Variants in NELL1 observed in about 807,000 individuals in gnomAD.
The protein encoded by NELL1 is neural EGFL like 1.
Under a neutral mutation model 107.4 loss-of-function variants are expected in NELL1, and 76 were observed. The ratio of observed to expected loss-of-function variants is 0.71; its 90% confidence interval spans 0.59 to 0.86. The LOEUF (loss-of-function observed/expected upper bound fraction) is 0.86, where lower values mean the gene tolerates loss of function less well. Among genes scored for constraint, NELL1 ranks in the 40% least tolerant of loss-of-function variants. NELL1 has a pLI of 0.00. For synonymous variants in NELL1, 353 were observed against 341.2 expected (o/e 1.03, Z -0.38); for missense variants, 1,024 against 1,005.5 (o/e 1.02, Z -0.25).
In NELL1 at chr11:21,316,820, A is replaced by G. The variant is rs1480243334; in HGVS notation, c.1550-54033A>G. On this transcript the variant is annotated intron_variant, in intron 14 of 19. Transcript: ENST00000357134. ...ATGATGCTCAGAGTCTCTTGTGGGT[A>G]GGGCTTCCTCCTGGAGGTAGAGCTG... is the stretch of plus-strand genomic sequence containing the variant. Among the ~76,000 whole-genome samples the G allele has an allele frequency of 4.6e-5, 7 of 152,168 alleles. No individual in the cohort carries two copies. The South Asian group carries it at 8.3e-4, about 18-fold the overall frequency.
At chr11:21,347,269 G>A (rs1240272171) in intron 14 of NELL1, among the ~76,000 whole-genome samples, 2 of 152,100 alleles carry the variant, frequency 1.3e-5, no homozygotes, top group African/African-American at 4.8e-5. Flanking sequence ...CAAGTGTAAA[G>A]GCCCTAAAGT....
chr11:21,206,381 G>A (rs1178730269), intron 13 of NELL1, among the ~76,000 whole-genome samples: 10 of 152,080 alleles, frequency 6.6e-5, no homozygotes, highest in Non-Finnish European at 1.5e-5. Context: ...AATCCCATAT[G>A]ACCTCATTTT....
chr11:21,187,842 T>G (rs1391338716), intron 13 of NELL1, among the ~76,000 whole-genome samples: 2 of 152,070 alleles, frequency 1.3e-5, no homozygotes, highest in African/African-American at 4.8e-5. Context: ...GAGCAGCATG[T>G]AGTTAACAAA....
chr11:21,498,566 C>G (rs919945047), intron 15 of NELL1, among the ~76,000 whole-genome samples: 1 of 151,506 alleles, frequency 6.6e-6, no homozygotes, highest in Non-Finnish European at 1.5e-5. Flanking sequence ...TTCTAGTGAT[C>G]AACGTTTAAA....
At chr11:21,420,407 G>C (rs1006435784) in intron 15 of NELL1, among the ~76,000 whole-genome samples, 6 of 152,006 alleles carry the variant, frequency 3.9e-5, no homozygotes, top group Non-Finnish European at 8.8e-5. Context: ...GTACAAATAT[G>C]AAAAGAAGAG....
intron 15 of NELL1, among the ~76,000 whole-genome samples, chr11:21,470,006 A>C (rs900058771): frequency 3.9e-5 from 6 of 152,102 alleles, no homozygotes; most frequent in Non-Finnish European, 7.4e-5. Context: ...AGTATAATGA[A>C]GAATGAAACT....
intron 15 of NELL1, among the ~76,000 whole-genome samples, chr11:21,402,426 G>T (rs1852120478): frequency 6.6e-6 from 1 of 151,780 alleles, no homozygotes; most frequent in South Asian, 2.1e-4. Flanking sequence ...GGCATGAAAT[G>T]CTGGTTTTCC....
At chr11:21,136,041 C>T (rs1323693706) in intron 13 of NELL1, among the ~76,000 whole-genome samples, 1 of 151,952 alleles carries the variant, frequency 6.6e-6, no homozygotes, top group African/African-American at 2.4e-5. Context: ...GCGAAGAAAA[C>T]CAAAACAGGG....
chr11:20,743,721 T>G (rs1054900192), intron 2 of NELL1, among the ~76,000 whole-genome samples: 20 of 152,288 alleles, frequency 1.3e-4, no homozygotes, highest in African/African-American at 4.3e-4. Context: ...TCTCATCTTC[T>G]CCACCTCTTC....
intron 14 of NELL1, among the ~76,000 whole-genome samples, chr11:21,235,270 G>A (rs1013571523): frequency 5.9e-5 from 9 of 152,120 alleles, no homozygotes; most frequent in African/African-American, 1.4e-4. Context: ...CATTCATATT[G>A]AAAAACGGGA....
chr11:21,357,750 G>A (rs1374303769), intron 14 of NELL1, among the ~76,000 whole-genome samples: 2 of 152,164 alleles, frequency 1.3e-5, no homozygotes, highest in Admixed American at 6.5e-5. Flanking sequence ...TTTTACTGAT[G>A]TTATCTTCTA....
At chr11:20,718,473 T>A (rs1378568799) in intron 2 of NELL1, among the ~76,000 whole-genome samples, 1 of 147,156 alleles carries the variant, frequency 6.8e-6, no homozygotes, top group Non-Finnish European at 1.5e-5. Flanking sequence ...TTTTTTTTTT[T>A]TTTTATTTAA....
At position 21,274,655 on chromosome 11, in the gene NELL1, C is replaced by T. The variant is rs150151193; in HGVS notation, c.1549+45201C>T. 5.5e-3 allele frequency among the ~76,000 whole-genome samples: 830 copies of T among 152,268 alleles called. 8 individuals carry two copies. The highest frequency in any genetic ancestry group is 0.019 in the African/African-American group (782 of 41,544). ...ATTGACCACTTAGTTGGAAGTAAAG[C>T]ACTCCTCAGCGAATGTAAAAGAACA... On this transcript the variant is annotated intron_variant, in intron 14 of 19. Transcript: ENST00000357134.
chr11:21,255,513 GCAAA>G (rs975242023), intron 14 of NELL1, among the ~76,000 whole-genome samples: 11 of 151,956 alleles, frequency 7.2e-5, no homozygotes, highest in African/African-American at 2.2e-4. Context: ...TTGCATTCAG[GCAAA>G]CATCTGGGGG....
At position 20,988,418 on chromosome 11, in the gene NELL1, T is replaced by C. The variant is rs1851896744; in HGVS notation, c.1300+27858T>C. On this transcript the variant is annotated intron_variant, in intron 12 of 19. Transcript: ENST00000357134. Reference sequence around the variant, plus strand: ...ATATACATATCTATATATACACATGTACATATGTGTGTATATATATCTATA... The same window carrying C: ...ATATACATATCTATATATACACATGCACATATGTGTGTATATATATCTATA... 4.1e-5 allele frequency among the ~76,000 whole-genome samples: 6 copies of C among 147,272 alleles called. No homozygotes were observed. In the South Asian group the frequency reaches 1.3e-3, roughly 31 times the overall value.
At chr11:21,322,665 T>G (rs1193263196) in intron 14 of NELL1, among the ~76,000 whole-genome samples, 3 of 152,134 alleles carry the variant, frequency 2.0e-5, no homozygotes, top group Admixed American at 2.0e-4. Context: ...TCCAATAAAT[T>G]GATTTCATAT....
intron 15 of NELL1, among the ~76,000 whole-genome samples, chr11:21,466,884 T>G (rs1324634461): frequency 6.6e-6 from 1 of 151,900 alleles, no homozygotes; most frequent in East Asian, 1.9e-4. Flanking sequence ...GTTGAAGACT[T>G]GTCCCGTATC....
intron 10 of NELL1, among the ~76,000 whole-genome samples, chr11:20,945,185 G>A (rs912823111): frequency 3.3e-5 from 5 of 152,214 alleles, no homozygotes; most frequent in Non-Finnish European, 7.3e-5. Context: ...GTGCCCCCAG[G>A]AGAAACCAGT....
intron 14 of NELL1, among the ~76,000 whole-genome samples, chr11:21,297,786 A>T (rs1230550251): frequency 6.6e-6 from 1 of 151,996 alleles, no homozygotes; most frequent in Non-Finnish European, 1.5e-5. Flanking sequence ...ATGGAGGTAT[A>T]AGCAGGATCT....
Sources: gnomAD v4.1 joint callset for allele counts (sites outside exome capture counted in the v4.1 genomes callset) on GRCh38, gnomAD v4.1.1 for gene constraint, MANE v1.5 for transcripts, NCBI Gene and HGNC (gene_info 2026-07-23, HGNC 2026-07-21) for gene names.